Variants in TOMM70 observed in about 807,000 individuals in gnomAD.
The protein encoded by TOMM70 is mitochondrial import receptor subunit TOM70.
TOMM70 carries 13 observed loss-of-function variants against 73.6 expected under a neutral mutation model. The observed-to-expected ratio is 0.18, with a 90% confidence interval of 0.11 to 0.28. The LOEUF (loss-of-function observed/expected upper bound fraction) is 0.28. Ranked by LOEUF, TOMM70 falls within the 10% of genes least tolerant of loss-of-function variation. The pLI is 1.00. For missense variants in TOMM70, 609 were observed against 747.5 expected, an observed-to-expected ratio of 0.81 and a Z score of 2.16; for synonymous variants, 257 against 271.2, an observed-to-expected ratio of 0.95 and a Z score of 0.51.
chr3:100,368,014 A>T (rs560044003), intron 11 of TOMM70, 30 bp downstream of exon 11: 2 of 1,604,446 alleles, frequency 1.2e-6, no homozygotes, highest in South Asian at 2.2e-5. Context: ...TGGAGCTACC[A>T]TATATTTCCT....
chr3:100,387,452 GC>G (rs946201322), intron 1 of TOMM70, among the ~76,000 whole-genome samples: 4 of 151,594 alleles, frequency 2.6e-5, no homozygotes, highest in African/African-American at 9.7e-5. Context: ...GTCTCCGCCT[GC>G]CCCCCCAAAA....
Position 100,386,254 on chromosome 3 carries a change from G to A in TOMM70, c.589C>T (p.His197Tyr). Reference sequence around the variant, plus strand: ...TCCTTCTTATTGTCTAGCTTCTCATGGGCTTTTGCACGTCTAAAGAGAGCT... The same window carrying A: ...TCCTTCTTATTGTCTAGCTTCTCATAGGCTTTTGCACGTCTAAAGAGAGCT... Reference protein sequence around the residue: ...VKALFRRAKAHEKLDNKKECL... With the variant: ...VKALFRRAKAYEKLDNKKECL... The change falls in exon 3 of 12, where the codon CAT becomes TAT. Residue 197 changes from histidine (H) to tyrosine (Y), a missense_variant. Coordinates refer to ENST00000284320, the MANE Select transcript of TOMM70 (RefSeq NM_014820.5). 6.2e-7 allele frequency: 1 copy of A among 1,612,850 alleles called. No homozygotes were observed. The highest frequency in any genetic ancestry group is 8.5e-7 in the Non-Finnish European group (1 of 1,179,316).
chr3:100,372,871 A>G, intron 8 of TOMM70, 149 bp from the exon 9 acceptor site: 2 of 669,846 alleles, frequency 3.0e-6, no homozygotes, highest in South Asian at 2.0e-5. Flanking sequence ...CCAAGTAGGT[A>G]TCTCAGCAGC....
At chr3:100,399,276 C>T (rs1387011821) in intron 1 of TOMM70, among the ~76,000 whole-genome samples, 1 of 143,732 alleles carries the variant, frequency 7.0e-6, no homozygotes, top group African/African-American at 2.6e-5. Flanking sequence ...GAGACTCCAT[C>T]TCAAAAAAAA....
chr3:100,399,833 C>G (rs1361504295), intron 1 of TOMM70, among the ~76,000 whole-genome samples: 1 of 149,154 alleles, frequency 6.7e-6, no homozygotes, highest in African/African-American at 2.5e-5. Flanking sequence ...GGCCGCTACT[C>G]TTGTGCAGCA....
chr3:100,383,778 T>A (rs976471223), intron 4 of TOMM70, among the ~76,000 whole-genome samples: 4 of 152,338 alleles, frequency 2.6e-5, no homozygotes, highest in African/African-American at 9.6e-5. Flanking sequence ...GATTTAACAG[T>A]GAATCTCCAG....
At chr3:100,367,230 A>C (rs1559829433) in intron 11 of TOMM70, among the ~76,000 whole-genome samples, 1 of 152,204 alleles carries the variant, frequency 6.6e-6, no homozygotes, top group South Asian at 2.1e-4. Context: ...GAAGAAAAAA[A>C]AACTTAATAT....
chr3:100,392,469 G>A (rs1706774313), intron 1 of TOMM70, among the ~76,000 whole-genome samples: 1 of 152,118 alleles, frequency 6.6e-6, no homozygotes, highest in African/African-American at 2.4e-5. Flanking sequence ...CCAGGCTGGA[G>A]TGCAGTGGTG....
chr3:100,368,283 T>C (rs1706468864), intron 10 of TOMM70, 117 bp from the exon 11 acceptor site: 7 of 1,223,498 alleles, frequency 5.7e-6, no homozygotes, highest in African/African-American at 1.5e-5. Context: ...TTATAACTTA[T>C]AAGGCAATAT....
In TOMM70 at chr3:100,377,601, C is replaced by T. The variant is rs1281472692; in HGVS notation, c.1092+104G>A. 4 of 1,070,148 alleles carry T rather than the reference C, an allele frequency of 3.7e-6. No individual in the cohort carries two copies. In the African/African-American group the frequency reaches 4.8e-5, roughly 13 times the overall value. The allele number at this position is 1,070,148 out of a possible 1,614,324, so 66.3% of individuals were successfully genotyped here. ...TAGTTTCTTCAAAAACAAAAACAGC[C>T]CTTTGAAGAATGGCAGTTGAAATGC... On this transcript the variant is annotated intron_variant, in intron 6 of 11. Coordinates refer to ENST00000284320, the MANE Select transcript of TOMM70 (RefSeq NM_014820.5).
intron 11 of TOMM70, 22 bp downstream of exon 11, chr3:100,368,022 C>T: frequency 1.2e-6 from 2 of 1,608,760 alleles, no homozygotes; most frequent in Non-Finnish European, 1.7e-6. Flanking sequence ...CCATATATTT[C>T]CTAACAGACT....
chr3:100,394,116 A>G (rs567592092), intron 1 of TOMM70, among the ~76,000 whole-genome samples: 1 of 152,382 alleles, frequency 6.6e-6, no homozygotes, highest in South Asian at 2.1e-4. Flanking sequence ...AATTAGGTAC[A>G]TTAATCTGCG....
At chr3:100,366,421 C>A (rs959669149) in intron 11 of TOMM70, among the ~76,000 whole-genome samples, 4 of 152,012 alleles carry the variant, frequency 2.6e-5, no homozygotes, top group African/African-American at 9.7e-5. Flanking sequence ...TATATATATA[C>A]CTGCATATAC....
Position 100,369,245 on chromosome 3 carries a change from TCAC to T in TOMM70, c.1453-113_1453-111del, listed in dbSNP as rs1217766666. 5.1e-6 allele frequency: 4 copies of T among 787,618 alleles called. No individual in the cohort carries two copies. The Admixed American group carries it at 1.1e-4, about 22-fold the overall frequency. 48.8% of individuals were successfully genotyped at this position (787,618 alleles called of 1,614,324 possible). On this transcript the variant is annotated intron_variant, in intron 9 of 11. Transcript: ENST00000284320. ...TACTTCATTCATTATTACAAAATTA[TCAC>T]GTTTTGGGGATACAGACTGATTTAC... is the stretch of plus-strand genomic sequence containing the variant.
chr3:100,388,367 A>G (rs937923913), intron 1 of TOMM70, among the ~76,000 whole-genome samples: 1 of 152,186 alleles, frequency 6.6e-6, no homozygotes, highest in Non-Finnish European at 1.5e-5. Flanking sequence ...CACTGGAGGA[A>G]GCAGAAATCA....
At chr3:100,368,275 A>G (rs1016191808) in intron 10 of TOMM70, 109 bp from the exon 11 acceptor site, 20 of 1,288,270 alleles carry the variant, frequency 1.6e-5, no homozygotes, top group Non-Finnish European at 1.8e-5. Context: ...AAGTTAACTT[A>G]TAACTTATAA....
In TOMM70 at chr3:100,365,475, A is replaced by G. The variant is rs1030118367; in HGVS notation, c.*89T>C. The stretch of plus-strand genomic sequence containing the variant: ...ACAAACAGAAATACTGATTTCCACC[A>G]TTCAACACAGTTCATGACAGTGTCT... On this transcript the variant is annotated 3_prime_UTR_variant, in exon 12 of 12. Coordinates refer to ENST00000284320, the MANE Select transcript of TOMM70 (RefSeq NM_014820.5). 46 of 1,534,040 alleles carry G rather than the reference A, an allele frequency of 3.0e-5. No individual in the cohort carries two copies. Among genetic ancestry groups the G allele is most frequent in the Middle Eastern group, 3.5e-4 (2 of 5,766 alleles).
chr3:100,381,268 C>T (rs1706630890), intron 5 of TOMM70, among the ~76,000 whole-genome samples: 1 of 152,068 alleles, frequency 6.6e-6, no homozygotes, highest in Non-Finnish European at 1.5e-5. Flanking sequence ...AGAACATCTG[C>T]ATGTTGAGCT....
intron 4 of TOMM70, among the ~76,000 whole-genome samples, chr3:100,382,693 A>C (rs1706645603): frequency 6.6e-6 from 1 of 152,220 alleles, no homozygotes; most frequent in African/African-American, 2.4e-5. Flanking sequence ...TAAATCATTA[A>C]TGTTTTTTAG....
Sources: allele counts gnomAD v4.1 joint callset (sites outside exome capture counted in the v4.1 genomes callset), GRCh38; gene constraint gnomAD v4.1.1; transcripts MANE v1.5; gene names NCBI Gene and HGNC (gene_info 2026-07-23, HGNC 2026-07-21).